The following GLI3 variants were observed in gnomAD, a reference collection of about 807,000 sequenced individuals.
The protein encoded by GLI3 is transcription activator GLI3.
Under a neutral mutation model 100.8 loss-of-function variants are expected in GLI3, and 20 were observed. The observed-to-expected ratio is 0.20, with a 90% CI of 0.14 to 0.29. The LOEUF is 0.29. Among genes scored for constraint, GLI3 ranks in the 10% least tolerant of loss-of-function variants. The probability of loss-of-function intolerance (pLI) is 1.00; values close to 1 mark genes in which losing one functional copy is unlikely to be tolerated. For synonymous variants in GLI3, 938 were observed against 860.5 expected (o/e 1.09, Z -1.58); for missense variants, 2,040 against 2,128.5 (o/e 0.96, Z 0.82).
intron 10 of GLI3, among the ~76,000 whole-genome samples, chr7:41,994,845 A>G (rs1051730034): frequency 1.3e-5 from 2 of 152,214 alleles, no homozygotes; most frequent in African/African-American, 4.8e-5. Context: ...AGTCTTTAAA[A>G]TCTTTCATTT....
intron 3 of GLI3, among the ~76,000 whole-genome samples, chr7:42,079,775 T>A (rs1433565675): frequency 6.6e-6 from 1 of 152,180 alleles, no homozygotes; most frequent in Non-Finnish European, 1.5e-5. Flanking sequence ...CTCCACCAGG[T>A]AAGTGGGTGT....
chr7:42,080,757 C>G (rs115922462), intron 3 of GLI3, among the ~76,000 whole-genome samples: 174 of 152,286 alleles, frequency 1.1e-3, no homozygotes, highest in African/African-American at 4.0e-3. Flanking sequence ...AATCCTCAAA[C>G]GTTGAGTACT....
At chr7:41,994,094 C>G (rs1160815931) in intron 10 of GLI3, among the ~76,000 whole-genome samples, 1 of 152,128 alleles carries the variant, frequency 6.6e-6, no homozygotes, top group Non-Finnish European at 1.5e-5. Context: ...TTATGTCCCA[C>G]TGGCTGTAGA....
At chr7:42,051,953 A>G (rs1010845334) in intron 4 of GLI3, among the ~76,000 whole-genome samples, 7 of 152,152 alleles carry the variant, frequency 4.6e-5, no homozygotes, top group African/African-American at 1.7e-4. Context: ...GAGCAGTCTC[A>G]CTGCCTTAAA....
intron 2 of GLI3, among the ~76,000 whole-genome samples, chr7:42,157,171 T>A (rs1787022221): frequency 6.6e-6 from 1 of 152,214 alleles, no homozygotes; most frequent in South Asian, 2.1e-4. Flanking sequence ...AAAGGCCAGG[T>A]GCTGCCCGGG....
intron 3 of GLI3, among the ~76,000 whole-genome samples, chr7:42,133,067 A>G (rs1282846979): frequency 6.6e-6 from 1 of 152,232 alleles, no homozygotes; most frequent in Non-Finnish European, 1.5e-5. Context: ...AAAGGCCTTC[A>G]ATATTAATTC....
At chr7:42,160,373 T>C (rs1787103176) in intron 2 of GLI3, among the ~76,000 whole-genome samples, 1 of 152,210 alleles carries the variant, frequency 6.6e-6, no homozygotes, top group Non-Finnish European at 1.5e-5. Flanking sequence ...AATATTTGCA[T>C]ATACATAATG....
chr7:42,057,947 C>CT (rs1784496344), intron 4 of GLI3, among the ~76,000 whole-genome samples: 1 of 152,130 alleles, frequency 6.6e-6, no homozygotes, highest in Non-Finnish European at 1.5e-5. Context: ...ACAATGTACA[C>CT]TACTGGTGTC....
chr7:42,120,990 C>A (rs2128771262), intron 3 of GLI3, among the ~76,000 whole-genome samples: 1 of 152,302 alleles, frequency 6.6e-6, no homozygotes, highest in South Asian at 2.1e-4. Flanking sequence ...CTTAAACAAA[C>A]CACCACCAAA....
intron 2 of GLI3, among the ~76,000 whole-genome samples, chr7:42,207,364 T>C (rs995012597): frequency 6.6e-6 from 1 of 152,230 alleles, no homozygotes; most frequent in Non-Finnish European, 1.5e-5. Flanking sequence ...TGCTCACTTA[T>C]GCTATGTGAC....
intron 3 of GLI3, among the ~76,000 whole-genome samples, chr7:42,115,676 G>A (rs1407104962): frequency 6.6e-6 from 1 of 152,126 alleles, no homozygotes; most frequent in Admixed American, 6.5e-5. Context: ...CTTGCACACA[G>A]CAGGGACACA....
At chr7:42,240,552 G>A (rs1270079389), upstream of GLI3, among the ~76,000 whole-genome samples, 1 of 152,096 alleles carries the variant, frequency 6.6e-6, no homozygotes, top group African/African-American at 2.4e-5. Context: ...TGGGTGTCCC[G>A]TGGCTTGCAG....
chr7:42,114,686 G>A (rs889994573), intron 3 of GLI3, among the ~76,000 whole-genome samples: 1 of 151,982 alleles, frequency 6.6e-6, no homozygotes, highest in Non-Finnish European at 1.5e-5. Flanking sequence ...GCAGGTCGGG[G>A]AGAGTTTTTT....
intron 3 of GLI3, among the ~76,000 whole-genome samples, chr7:42,119,247 A>G (rs1387730062): frequency 2.0e-5 from 3 of 152,246 alleles, no homozygotes; most frequent in Non-Finnish European, 4.4e-5. Context: ...CAAGAAAACC[A>G]AAAAGAACAT....
chr7:42,068,762 A>T (rs1003041963), intron 4 of GLI3, among the ~76,000 whole-genome samples: 1 of 152,084 alleles, frequency 6.6e-6, no homozygotes, highest in African/African-American at 2.4e-5. Flanking sequence ...TTTAGGTGAA[A>T]AAAGTGGGGC....
chr7:42,176,453 G>A (rs773179755), intron 2 of GLI3, among the ~76,000 whole-genome samples: 4 of 151,748 alleles, frequency 2.6e-5, no homozygotes, highest in Non-Finnish European at 5.9e-5. Context: ...TTTCTCTCCA[G>A]GGGCCTGCCT....
At chr7:42,029,502 G>C (rs1789221551) in intron 7 of GLI3, among the ~76,000 whole-genome samples, 1 of 152,160 alleles carries the variant, frequency 6.6e-6, no homozygotes, top group South Asian at 2.1e-4. Flanking sequence ...GGTATGAAAA[G>C]ATTCTCCTGA....
At chr7:42,086,913 A>G (rs563793225) in intron 3 of GLI3, among the ~76,000 whole-genome samples, 2 of 152,244 alleles carry the variant, frequency 1.3e-5, no homozygotes, top group Non-Finnish European at 2.9e-5. Context: ...TTATACCAAC[A>G]CAGCCATGGG....
intron 3 of GLI3, among the ~76,000 whole-genome samples, chr7:42,081,759 A>G (rs1380556789): frequency 1.3e-5 from 2 of 152,178 alleles, no homozygotes; most frequent in African/African-American, 4.8e-5. Context: ...TGAAATTTAC[A>G]TACAAAAATT....
Sources: gnomAD v4.1 joint callset for allele counts (sites outside exome capture counted in the v4.1 genomes callset) on GRCh38, gnomAD v4.1.1 for gene constraint, MANE v1.5 for transcripts, NCBI Gene and HGNC (gene_info 2026-07-23, HGNC 2026-07-21) for gene names.